GUCY2F: variants seen among roughly 807,000 people sequenced by gnomAD.
The protein encoded by GUCY2F is retinal guanylyl cyclase 2.
Under a neutral mutation model 73.1 loss-of-function variants are expected in GUCY2F, and 61 were observed. The observed-to-expected ratio is 0.83, with a 90% confidence interval of 0.68 to 1.03. GUCY2F has a LOEUF of 1.03. GUCY2F is among the 50% of genes least tolerant of loss of function. The pLI, the probability that GUCY2F is intolerant of heterozygous loss-of-function variation, is 0.00. For synonymous variants in GUCY2F, 331 were observed against 307.8 expected (o/e 1.08, Z -0.79); for missense variants, 912 against 854.3 (o/e 1.07, Z -0.84).
chrX:109,430,055 G>T (rs1284711774), intron 8 of GUCY2F, among the ~76,000 whole-genome samples: 1 of 111,954 alleles, frequency 8.9e-6, no homozygotes, highest in Non-Finnish European at 1.9e-5. Context: ...TAAGACTTAG[G>T]GAGTTTAGAT....
chrX:109,420,289 G>T, intron 8 of GUCY2F, among the ~76,000 whole-genome samples: 1 of 102,245 alleles, frequency 9.8e-6, no homozygotes, highest in Non-Finnish European at 2.0e-5. Flanking sequence ...GGGAAAGAGA[G>T]AGAGAGAGAA....
At chrX:109,421,102 A>G (rs1441023343) in intron 8 of GUCY2F, among the ~76,000 whole-genome samples, 1 of 111,929 alleles carries the variant, frequency 8.9e-6, no homozygotes, top group Non-Finnish European at 1.9e-5. Flanking sequence ...GCTACAGAAA[A>G]TAAGTGTTGG....
intron 8 of GUCY2F, among the ~76,000 whole-genome samples, chrX:109,417,103 G>C (rs758429046): frequency 1.8e-5 from 2 of 111,029 alleles, no homozygotes; most frequent in African/African-American, 6.5e-5. Flanking sequence ...TACAAGTAAT[G>C]CCTAAGGGGA....
chrX:109,429,453 A>G (rs1055060940), intron 8 of GUCY2F, among the ~76,000 whole-genome samples: 9 of 110,538 alleles, frequency 8.1e-5, no homozygotes, highest in East Asian at 2.8e-4. Flanking sequence ...GAAAAATACC[A>G]AATCATAACA....
chrX:109,403,136 C>T (rs1930887173), intron 10 of GUCY2F, among the ~76,000 whole-genome samples: 1 of 111,201 alleles, frequency 9.0e-6, no homozygotes, highest in African/African-American at 3.3e-5. Flanking sequence ...ATTTAATGCC[C>T]ACATTTCCTA....
intron 15 of GUCY2F, among the ~76,000 whole-genome samples, chrX:109,386,451 A>C (rs1223120507): frequency 1.8e-5 from 2 of 111,440 alleles, no homozygotes; most frequent in African/African-American, 6.5e-5. Flanking sequence ...GAATTTGGGA[A>C]GCTCTTAGAG....
At chrX:109,423,111 G>C (rs1208358344) in intron 8 of GUCY2F, among the ~76,000 whole-genome samples, 2 of 112,355 alleles carry the variant, frequency 1.8e-5, no homozygotes, top group Non-Finnish European at 3.8e-5. Flanking sequence ...AGGGACACAA[G>C]TGAAATTTTG....
chrX:109,441,321 A>G, intron 7 of GUCY2F, 30 bp downstream of exon 7: 3 of 985,561 alleles, frequency 3.0e-6, no homozygotes, highest in Non-Finnish European at 2.7e-6. Context: ...CCAAGAAAGC[A>G]GTAGATTAGA....
At chrX:109,389,805 C>T (rs1480783706) in intron 14 of GUCY2F, among the ~76,000 whole-genome samples, 1 of 111,303 alleles carries the variant, frequency 9.0e-6, no homozygotes, top group Non-Finnish European at 1.9e-5. Context: ...CATCTTGAAA[C>T]CAGCCCTGGA....
intron 2 of GUCY2F, among the ~76,000 whole-genome samples, chrX:109,470,105 G>A (rs1932544480): frequency 9.0e-6 from 1 of 111,725 alleles, no homozygotes; most frequent in Non-Finnish European, 1.9e-5. Flanking sequence ...ATTGCAATTT[G>A]TACAGCAATG....
At chrX:109,375,844 C>A in intron 19 of GUCY2F, 54 bp downstream of exon 19, 1 of 899,650 alleles carries the variant, frequency 1.1e-6, no homozygotes, top group Non-Finnish European at 1.6e-6. Context: ...AAAGGAAGCC[C>A]CAGATTTGAA....
At chrX:109,427,582 A>G (rs893584522) in intron 8 of GUCY2F, among the ~76,000 whole-genome samples, 7 of 112,173 alleles carry the variant, frequency 6.2e-5, no homozygotes, top group Non-Finnish European at 1.9e-5. Flanking sequence ...CCTGGTACCC[A>G]GCCCTAACGT....
rs1930489267 is a variant in GUCY2F, at chrX:109,388,526, T to C, written c.2919A>G (p.Pro973=). The stretch of plus-strand genomic sequence containing the variant: ...CAATTCGAATTCGGACCGGCACTTC[T>C]GGCATGTGCCGCATCTTGAAAGTGC... The part of the protein sequence containing the change: ...SVGTFKMRHM[P]EVPVRIRIGL... Residue 973 remains proline, a synonymous_variant, in exon 15 of 20, where the codon CCA becomes CCG. Coordinates refer to ENST00000218006, the MANE Select transcript of GUCY2F (RefSeq NM_001522.3). 1.7e-6 allele frequency: 2 copies of C among 1,205,966 alleles called. No homozygotes were observed. The highest frequency in any genetic ancestry group is 1.1e-6 in the Non-Finnish European group (1 of 891,872).
chrX:109,450,691 C>T (rs1229500775), intron 5 of GUCY2F, among the ~76,000 whole-genome samples: 1 of 112,387 alleles, frequency 8.9e-6, no homozygotes, highest in Non-Finnish European at 1.9e-5. Flanking sequence ...GTGTCTTTAT[C>T]AAGTGTTTTA....
intron 7 of GUCY2F, among the ~76,000 whole-genome samples, chrX:109,433,068 G>A (rs752600931): frequency 1.2e-4 from 13 of 112,085 alleles, no homozygotes; most frequent in Non-Finnish European, 2.3e-4. Context: ...TACCACTCAC[G>A]CATAAATTGG....
chrX:109,427,263 TAAAG>T (rs1278152436), intron 8 of GUCY2F, among the ~76,000 whole-genome samples: 1 of 112,198 alleles, frequency 8.9e-6, no homozygotes, highest in African/African-American at 3.2e-5. Context: ...TCACATTTCT[TAAAG>T]AAAGAGACAC....
rs1603386720 is a variant in GUCY2F at position 109,475,944 on chromosome X, C to T, written c.-8G>A. ...CCCGAGTCCCAGGAACATAGCCCTC[C>T]TGCTTCCAGCAAGCTAATGACGAGA... On this transcript the variant is annotated 5_prime_UTR_variant, in exon 2 of 20. Coordinates refer to ENST00000218006, the MANE Select transcript of GUCY2F (RefSeq NM_001522.3). 3 of 1,185,724 alleles carry T rather than the reference C, an allele frequency of 2.5e-6. No individual in the cohort carries two copies. In the Admixed American group the frequency reaches 7.1e-5, roughly 28 times the overall value.
chrX:109,457,045 T>A (rs943186584), intron 3 of GUCY2F, among the ~76,000 whole-genome samples: 10 of 112,095 alleles, frequency 8.9e-5, no homozygotes, highest in Non-Finnish European at 1.1e-4. Context: ...CTTGTTGACA[T>A]CACAGTCCAA....
At chrX:109,451,962 A>C (rs1249045633) in intron 5 of GUCY2F, 61 bp downstream of exon 5, 2 of 610,023 alleles carry the variant, frequency 3.3e-6, no homozygotes, top group Non-Finnish European at 5.6e-6. Context: ...CCTGGAAATC[A>C]GTATTAACAA....
Sources: gnomAD v4.1 joint callset for allele counts (sites outside exome capture counted in the v4.1 genomes callset) on GRCh38, gnomAD v4.1.1 for gene constraint, MANE v1.5 for transcripts, NCBI Gene and HGNC (gene_info 2026-07-23, HGNC 2026-07-21) for gene names.